The following GRID2 variants were observed in gnomAD, a reference collection of about 807,000 sequenced individuals.
The protein encoded by GRID2 is glutamate ionotropic receptor delta type subunit 2, also known as glutamate receptor ionotropic, delta-2.
GRID2 carries 33 observed loss-of-function variants against 114.8 expected under a neutral mutation model. That is an observed-to-expected ratio of 0.29 (90% CI 0.22 to 0.38). The LOEUF is 0.38. Ranked by LOEUF, GRID2 falls within the 10% of genes least tolerant of loss-of-function variation. The probability of loss-of-function intolerance (pLI) is 1.00; values close to 1 mark genes in which losing one functional copy is unlikely to be tolerated. For synonymous variants in GRID2, 505 were observed against 449.9 expected, an observed-to-expected ratio of 1.12 and a Z score of -1.55; for missense variants, 1,184 against 1,257.7, an observed-to-expected ratio of 0.94 and a Z score of 0.89.
intron 8 of GRID2, among the ~76,000 whole-genome samples, chr4:93,268,497 T>C (rs570889761): frequency 5.9e-5 from 9 of 152,266 alleles, no homozygotes; most frequent in South Asian, 4.1e-4. Context: ...ACAAAAACTA[T>C]AGGGTAAGGA....
chr4:92,329,463 T>A (rs2110140601), intron 1 of GRID2, among the ~76,000 whole-genome samples: 1 of 152,196 alleles, frequency 6.6e-6, no homozygotes, highest in Non-Finnish European at 1.5e-5. Context: ...CTCATTTACT[T>A]AGTGTCTGTC....
chr4:93,713,589 A>C (rs1353487554), intron 14 of GRID2, among the ~76,000 whole-genome samples: 1 of 138,946 alleles, frequency 7.2e-6, no homozygotes, highest in Non-Finnish European at 1.6e-5. Flanking sequence ...GGTACATTAC[A>C]AAAAAAAAAG....
At chr4:93,668,881 A>T (rs1353747900) in intron 14 of GRID2, among the ~76,000 whole-genome samples, 1 of 152,184 alleles carries the variant, frequency 6.6e-6, no homozygotes, top group African/African-American at 2.4e-5. Context: ...AAATAAGAAC[A>T]AATTACTCAC....
intron 2 of GRID2, among the ~76,000 whole-genome samples, chr4:93,080,943 G>A (rs1358294976): frequency 6.6e-6 from 1 of 152,180 alleles, no homozygotes; most frequent in African/African-American, 2.4e-5. Context: ...AGAAAGCCAA[G>A]GGGAGGCCAA....
At chr4:92,929,847 A>C (rs543663500) in intron 2 of GRID2, among the ~76,000 whole-genome samples, 1 of 151,470 alleles carries the variant, frequency 6.6e-6, no homozygotes, top group South Asian at 2.1e-4. Context: ...TTTTTAAAAA[A>C]GGTTAATATG....
At chr4:92,980,467 C>A (rs904160090) in intron 2 of GRID2, among the ~76,000 whole-genome samples, 3 of 151,814 alleles carry the variant, frequency 2.0e-5, no homozygotes, top group Non-Finnish European at 4.4e-5. Flanking sequence ...AATTTAGAAA[C>A]CTCTCTTTAT....
chr4:93,000,374 C>G (rs1306119246), intron 2 of GRID2, among the ~76,000 whole-genome samples: 1 of 151,340 alleles, frequency 6.6e-6, no homozygotes, highest in Non-Finnish European at 1.5e-5. Flanking sequence ...TATTGAATAC[C>G]ATGATTGGAG....
intron 1 of GRID2, among the ~76,000 whole-genome samples, chr4:92,308,798 C>T (rs1579155442): frequency 6.6e-6 from 1 of 151,870 alleles, no homozygotes; most frequent in East Asian, 1.9e-4. Flanking sequence ...CCCAGGACTC[C>T]TCAAGGATTT....
At chr4:92,331,764 AT>A (rs1275784424) in intron 1 of GRID2, among the ~76,000 whole-genome samples, 1 of 152,208 alleles carries the variant, frequency 6.6e-6, no homozygotes, top group Non-Finnish European at 1.5e-5. Flanking sequence ...AGTAGAGTTA[AT>A]TCCTATTTCA....
At chr4:92,455,660 T>C (rs1721177766) in intron 1 of GRID2, among the ~76,000 whole-genome samples, 1 of 152,092 alleles carries the variant, frequency 6.6e-6, no homozygotes, top group Admixed American at 6.6e-5. Flanking sequence ...GACCATTGTG[T>C]CTAGGTAGGG....
chr4:93,400,993 T>C lies in GRID2; in HGVS notation c.1347+5285T>C, dbSNP rs138721822. 7.4e-3 allele frequency among the ~76,000 whole-genome samples: 1,120 copies of C among 152,010 alleles called. 13 individuals are homozygous for C. The highest frequency in any genetic ancestry group is 0.025 in the African/African-American group (1,051 of 41,484). On this transcript the variant is annotated intron_variant, in intron 9 of 15. Coordinates refer to ENST00000282020, the MANE Select transcript of GRID2 (RefSeq NM_001510.4). ...CTGGGACTACAGGTGCATGCCACCGTGCCTGACTAATTTATTTTTCGTAGA... is the reference window on the plus strand; with the variant it reads ...CTGGGACTACAGGTGCATGCCACCGCGCCTGACTAATTTATTTTTCGTAGA...
At chr4:92,509,479 A>G (rs1012247436) in intron 1 of GRID2, among the ~76,000 whole-genome samples, 4 of 152,004 alleles carry the variant, frequency 2.6e-5, no homozygotes, top group African/African-American at 7.2e-5. Flanking sequence ...ACTGAGGCAA[A>G]AAGGATATAT....
chr4:93,513,206 C>T (rs1271836221), intron 12 of GRID2, among the ~76,000 whole-genome samples: 2 of 152,134 alleles, frequency 1.3e-5, no homozygotes, highest in African/African-American at 4.8e-5. Context: ...TGGTCTTCAC[C>T]TTTGTATTTA....
In GRID2 at chr4:92,882,566, A is replaced by C. The variant is rs1255779541; in HGVS notation, c.245-202429A>C. Among the ~76,000 whole-genome samples, 5 of 152,264 alleles carry C rather than the reference A, an allele frequency of 3.3e-5. No individual in the cohort carries two copies. In the South Asian group the frequency reaches 8.3e-4, roughly 25 times the overall value. On this transcript the variant is annotated intron_variant, in intron 2 of 15. Transcript: ENST00000282020. ...TTTTCAGTTAGAAAAACACTCTGTT[A>C]ATTAAAAATGAGACATTTTATTTAC...
chr4:92,699,344 A>G (rs556648076), intron 2 of GRID2, among the ~76,000 whole-genome samples: 3 of 152,288 alleles, frequency 2.0e-5, no homozygotes, highest in African/African-American at 4.8e-5. Context: ...TGAGTGCAAA[A>G]GGGCAGTTAA....
rs1730223687 is a variant in GRID2 at position 93,085,184 on chromosome 4, C to T, written c.434C>T (p.Ser145Leu). Residue 145 changes from serine (S) to leucine (L), a missense_variant, in exon 3 of 16, where the codon TCA (serine) becomes TTA (leucine). Around this residue, in one of 3 missense-constraint regions of GRID2, gnomAD observed 455 missense variants for 429.5 expected, o/e 1.06. Transcript: ENST00000282020. ...RSNRNDDYTL[S>L]VRPPVYLHDV... Reference sequence around the variant, plus strand: ...AACAGGAATGATGACTACACTCTCTCAGTTCGCCCACCTGTCTACTTGCAT... The same window carrying T: ...AACAGGAATGATGACTACACTCTCTTAGTTCGCCCACCTGTCTACTTGCAT... The T allele has an allele frequency of 2.5e-6, 4 of 1,613,902 alleles. No individual in the cohort carries two copies. The highest frequency in any genetic ancestry group is 1.3e-5 in the African/African-American group (1 of 75,062).
intron 1 of GRID2, among the ~76,000 whole-genome samples, chr4:93,802,181 C>T (rs2110367765): frequency 6.6e-6 from 1 of 152,298 alleles, no homozygotes; most frequent in East Asian, 1.9e-4. Context: ...AAAAGAAACT[C>T]AAGTAGGCTT....
chr4:93,177,959 C>A (rs1425821438), intron 4 of GRID2, among the ~76,000 whole-genome samples: 3 of 151,878 alleles, frequency 2.0e-5, no homozygotes, highest in Non-Finnish European at 4.4e-5. Context: ...TACTATTTGT[C>A]ATTTTTAAAC....
chr4:92,615,700 T>C (rs918644719), intron 2 of GRID2, among the ~76,000 whole-genome samples: 2 of 151,664 alleles, frequency 1.3e-5, no homozygotes, highest in Admixed American at 6.6e-5. Context: ...TATTCTTTTT[T>C]ACTGTGATCT....
Sources: gnomAD v4.1 joint callset for allele counts (sites outside exome capture counted in the v4.1 genomes callset) on GRCh38, gnomAD v4.1.1 for gene constraint, gnomAD v4.1.1 regional missense constraint, MANE v1.5 for transcripts, NCBI Gene and HGNC (gene_info 2026-07-23, HGNC 2026-07-21) for gene names.